Variants in GRXCR1 observed in about 807,000 individuals in gnomAD.
GRXCR1 encodes the protein glutaredoxin and cysteine rich domain containing 1, also known as glutaredoxin domain-containing cysteine-rich protein 1.
In GRXCR1, 27 loss-of-function variants were observed where a neutral mutation model predicts 27.3. The observed-to-expected ratio is 0.99, with a 90% confidence interval of 0.73 to 1.37. The LOEUF (loss-of-function observed/expected upper bound fraction) is 1.37. Among genes scored for constraint, GRXCR1 ranks in the 40% most tolerant of loss-of-function variants. The pLI, the probability that GRXCR1 is intolerant of heterozygous loss-of-function variation, is 0.00. For synonymous variants in GRXCR1, 122 were observed against 131.1 expected, an observed-to-expected ratio of 0.93 and a Z score of 0.47; for missense variants, 379 against 354.4, an observed-to-expected ratio of 1.07 and a Z score of -0.56.
chr4:43,019,713 G>A (rs1713039096), intron 2 of GRXCR1, among the ~76,000 whole-genome samples: 1 of 152,122 alleles, frequency 6.6e-6, no homozygotes, highest in African/African-American at 2.4e-5. Flanking sequence ...CATCAGCTCT[G>A]GAGTGCATGC....
chr4:42,952,142 C>T lies in GRXCR1; in HGVS notation c.385-10750C>T, dbSNP rs558483745. ...CTGCTGTATGCTTATATATGCTTGA[C>T]TCTATTGTTTTTCATGATCAGAATT... On this transcript the variant is annotated intron_variant, in intron 1 of 3. Coordinates refer to ENST00000399770, the MANE Select transcript of GRXCR1 (RefSeq NM_001080476.3). Among the ~76,000 whole-genome samples, 5 of 152,260 alleles carry T rather than the reference C, an allele frequency of 3.3e-5. No homozygotes were observed. The South Asian group carries it at 1.0e-3, about 32-fold the overall frequency.
At chr4:42,902,564 A>G (rs1260503572) in intron 1 of GRXCR1, among the ~76,000 whole-genome samples, 2 of 152,084 alleles carry the variant, frequency 1.3e-5, no homozygotes, top group Non-Finnish European at 2.9e-5. Context: ...TGTCTTTGCT[A>G]TTGTGAATAG....
chr4:42,948,221 G>A (rs956811639), intron 1 of GRXCR1, among the ~76,000 whole-genome samples: 2 of 119,068 alleles, frequency 1.7e-5, no homozygotes, highest in Admixed American at 1.0e-4. Context: ...GCTTTTCACA[G>A]CAATTTCTAG....
chr4:43,013,323 C>T (rs962329724), intron 2 of GRXCR1, among the ~76,000 whole-genome samples: 4 of 152,148 alleles, frequency 2.6e-5, no homozygotes, highest in Non-Finnish European at 5.9e-5. Context: ...AATCATGTCC[C>T]TTCTTAGCAA....
At chr4:42,992,983 C>G (rs1323173087) in intron 2 of GRXCR1, among the ~76,000 whole-genome samples, 2 of 152,004 alleles carry the variant, frequency 1.3e-5, no homozygotes, top group African/African-American at 2.4e-5. Flanking sequence ...CTTTTTCCCC[C>G]CTTCCTTCTT....
At chr4:43,021,312 A>G (rs1384358946) in intron 3 of GRXCR1, among the ~76,000 whole-genome samples, 2 of 152,152 alleles carry the variant, frequency 1.3e-5, no homozygotes, top group East Asian at 1.9e-4. Flanking sequence ...TTCAAGGCCC[A>G]TCTTCAGTAT....
At chr4:43,012,527 T>A (rs191737438) in intron 2 of GRXCR1, among the ~76,000 whole-genome samples, 1 of 152,326 alleles carries the variant, frequency 6.6e-6, no homozygotes, top group East Asian at 1.9e-4. Context: ...TGCTTGACAA[T>A]GATTCTTAGT....
At chr4:42,996,247 G>C (rs1041553638) in intron 2 of GRXCR1, among the ~76,000 whole-genome samples, 1 of 152,064 alleles carries the variant, frequency 6.6e-6, no homozygotes, top group African/African-American at 2.4e-5. Context: ...AATCTATCTT[G>C]AACATAAATA....
chr4:42,907,789 G>A (rs1560644705), intron 1 of GRXCR1, among the ~76,000 whole-genome samples: 1 of 152,146 alleles, frequency 6.6e-6, no homozygotes, highest in East Asian at 1.9e-4. Flanking sequence ...TTTAAGTTTA[G>A]TGGAACTCTT....
chr4:42,965,356 T>G (rs1748213524), intron 2 of GRXCR1, among the ~76,000 whole-genome samples: 1 of 151,924 alleles, frequency 6.6e-6, no homozygotes, highest in Admixed American at 6.6e-5. Flanking sequence ...TTTTTGCTTA[T>G]AAAAGGAAAA....
chr4:43,009,589 A>C (rs1168187853), intron 2 of GRXCR1, among the ~76,000 whole-genome samples: 1 of 152,156 alleles, frequency 6.6e-6, no homozygotes, highest in Non-Finnish European at 1.5e-5. Context: ...AGATCAAGGT[A>C]CTGGAAGACT....
chr4:42,967,082 T>C (rs2109777317), intron 2 of GRXCR1, among the ~76,000 whole-genome samples: 1 of 152,222 alleles, frequency 6.6e-6, no homozygotes, highest in African/African-American at 2.4e-5. Context: ...ATAATTTCTT[T>C]CATGCATCCT....
chr4:42,904,716 C>T (rs1485869306), intron 1 of GRXCR1, among the ~76,000 whole-genome samples: 1 of 152,048 alleles, frequency 6.6e-6, no homozygotes, highest in Non-Finnish European at 1.5e-5. Flanking sequence ...TTTTATTATC[C>T]TTCTTCAAAC....
intron 1 of GRXCR1, among the ~76,000 whole-genome samples, chr4:42,911,085 G>A (rs1448451609): frequency 6.6e-6 from 1 of 152,098 alleles, no homozygotes. Flanking sequence ...GTGAGGGACT[G>A]TATTTTTTAT....
chr4:42,924,923 T>C (rs1427175128), intron 1 of GRXCR1, among the ~76,000 whole-genome samples: 1 of 152,016 alleles, frequency 6.6e-6, no homozygotes, highest in Non-Finnish European at 1.5e-5. Flanking sequence ...ACAGGTTTAT[T>C]GAAATATCTA....
chr4:42,925,933 T>G (rs1276783564), intron 1 of GRXCR1, among the ~76,000 whole-genome samples: 3 of 151,970 alleles, frequency 2.0e-5, no homozygotes, highest in East Asian at 3.9e-4. Context: ...GTGGGGGAAG[T>G]TCAGATAACT....
intron 1 of GRXCR1, among the ~76,000 whole-genome samples, chr4:42,923,919 A>AT (rs1747081901): frequency 6.6e-6 from 1 of 152,060 alleles, no homozygotes; most frequent in African/African-American, 2.4e-5. Context: ...AGAAGTGATT[A>AT]TGGAGAAGAC....
At chr4:43,012,585 T>C (rs1712794179) in intron 2 of GRXCR1, among the ~76,000 whole-genome samples, 1 of 152,152 alleles carries the variant, frequency 6.6e-6, no homozygotes, top group Non-Finnish European at 1.5e-5. Flanking sequence ...CAACTACTAA[T>C]TATTGAGTTC....
chr4:42,942,179 A>G (rs1013073562), intron 1 of GRXCR1, among the ~76,000 whole-genome samples: 4 of 152,090 alleles, frequency 2.6e-5, no homozygotes, highest in Non-Finnish European at 5.9e-5. Flanking sequence ...TGCAAGAGGA[A>G]GAAATGTGAT....
Sources: gnomAD v4.1 joint callset for allele counts (sites outside exome capture counted in the v4.1 genomes callset) on GRCh38, gnomAD v4.1.1 for gene constraint, MANE v1.5 for transcripts, NCBI Gene and HGNC (gene_info 2026-07-23, HGNC 2026-07-21) for gene names.